The following CDH4 variants were observed in gnomAD, a reference collection of about 807,000 sequenced individuals.
CDH4 encodes cadherin 4.
CDH4 carries 33 observed loss-of-function variants against 86.0 expected under a neutral mutation model. The ratio of observed to expected loss-of-function variants is 0.38; its 90% CI spans 0.29 to 0.51. The LOEUF (loss-of-function observed/expected upper bound fraction) is 0.51, where lower values mean the gene tolerates loss of function less well. Among genes scored for constraint, CDH4 ranks in the 20% least tolerant of loss-of-function variants. CDH4 has a pLI of 0.86. For missense variants in CDH4, 1,114 were observed against 1,307.4 expected, an observed-to-expected ratio of 0.85 and a Z score of 2.28; for synonymous variants, 555 against 549.4, an observed-to-expected ratio of 1.01 and a Z score of -0.14.
chr20:61,266,256 G>A (rs1448486666), intron 2 of CDH4, among the ~76,000 whole-genome samples: 1 of 151,962 alleles, frequency 6.6e-6, no homozygotes, highest in African/African-American at 2.4e-5. Context: ...TTTTCCATAT[G>A]GAGTATGATT....
intron 4 of CDH4, among the ~76,000 whole-genome samples, chr20:61,832,260 G>A (rs560037692): frequency 3.1e-4 from 47 of 152,344 alleles, no homozygotes; most frequent in African/African-American, 1.1e-3. Flanking sequence ...CAGCTCAAGG[G>A]CTTGTGAGCT....
chr20:61,610,852 G>A (rs1312157823), intron 2 of CDH4, among the ~76,000 whole-genome samples: 1 of 152,190 alleles, frequency 6.6e-6, no homozygotes, highest in East Asian at 1.9e-4. Context: ...AGAGGATACT[G>A]TAAGTCCAGG....
At chr20:61,569,683 A>AT (rs1373863084) in intron 2 of CDH4, among the ~76,000 whole-genome samples, 2 of 151,342 alleles carry the variant, frequency 1.3e-5, no homozygotes, top group Admixed American at 6.6e-5. Flanking sequence ...TGCCCCCCAA[A>AT]TTTTTTTTTG....
intron 2 of CDH4, among the ~76,000 whole-genome samples, chr20:61,590,987 A>AC (rs11432429): frequency 0.056 from 8,488 of 151,770 alleles, 436 homozygotes; most frequent in African/African-American, 0.13. Flanking sequence ...TCCAGATGGC[A>AC]CCCTCAGAGG....
Position 61,516,273 on chromosome 20 carries a change from C to T in CDH4, c.170-227290C>T, listed in dbSNP as rs972791734. 6.6e-6 allele frequency among the ~76,000 whole-genome samples: 1 copy of T among 152,190 alleles called. No individual in the cohort carries two copies. The highest frequency in any genetic ancestry group is 6.5e-5 in the Admixed American group (1 of 15,284). ...GCCACCGGCCCCACCCTAACAGGAGCAATCCATTCCTGTTCCTCTTCCTGC... is the reference window on the plus strand; with the variant it reads ...GCCACCGGCCCCACCCTAACAGGAGTAATCCATTCCTGTTCCTCTTCCTGC... On this transcript the variant is annotated intron_variant, in intron 2 of 15. Transcript: ENST00000614565. This position sits in a 1 kb window ranked among gnomAD's most constrained non-coding sequence, Gnocchi z 4.0.
chr20:61,877,204 G>A (rs888050599), intron 7 of CDH4, among the ~76,000 whole-genome samples: 7 of 152,142 alleles, frequency 4.6e-5, no homozygotes, highest in African/African-American at 1.4e-4. Context: ...GGCCAAGGGA[G>A]GGCTAGCAGT....
intron 2 of CDH4, among the ~76,000 whole-genome samples, chr20:61,605,022 G>A (rs2145750808): frequency 6.6e-6 from 1 of 152,264 alleles, no homozygotes; most frequent in Admixed American, 6.5e-5. Context: ...TGGAAGTTTT[G>A]GTGCAGACAG....
At chr20:61,817,110 C>T (rs1980759535) in intron 4 of CDH4, among the ~76,000 whole-genome samples, 1 of 152,228 alleles carries the variant, frequency 6.6e-6, no homozygotes. Context: ...TGTGTTTCAC[C>T]AGCCAACCGC....
At position 61,648,295 on chromosome 20, in the gene CDH4, G is replaced by A. The variant is rs542743184; in HGVS notation, c.170-95268G>A. ...AGTAGGGAGGAAGAAGGGTCAGCCC[G>A]GGTTGGAGAGGCACCCGCAGCTGGT... On this transcript the variant is annotated intron_variant, in intron 2 of 15. Coordinates refer to ENST00000614565, the MANE Select transcript of CDH4 (RefSeq NM_001794.5). Among the ~76,000 whole-genome samples, 73 of 152,336 alleles carry A rather than the reference G, an allele frequency of 4.8e-4. 1 individual carries two copies. The highest frequency in any genetic ancestry group is 1.6e-3 in the African/African-American group (66 of 41,582).
intron 2 of CDH4, among the ~76,000 whole-genome samples, chr20:61,315,807 A>C (rs934377893): frequency 2.6e-5 from 4 of 152,210 alleles, no homozygotes; most frequent in African/African-American, 9.6e-5. Flanking sequence ...GGTCTCAAGC[A>C]ATCTTTCCAC....
chr20:61,514,670 C>A (rs923026254), intron 2 of CDH4, among the ~76,000 whole-genome samples: 5 of 152,202 alleles, frequency 3.3e-5, no homozygotes, highest in Non-Finnish European at 7.3e-5. Context: ...GGGCCATAGG[C>A]AAATACGCAC....
At chr20:61,693,459 C>T (rs1317659885) in intron 2 of CDH4, among the ~76,000 whole-genome samples, 1 of 152,218 alleles carries the variant, frequency 6.6e-6, no homozygotes, top group Non-Finnish European at 1.5e-5. Context: ...GGGCAGCGAG[C>T]AGATGACCAC....
chr20:61,286,313 G>T (rs997461964), intron 2 of CDH4, among the ~76,000 whole-genome samples: 1 of 152,212 alleles, frequency 6.6e-6, no homozygotes, highest in Non-Finnish European at 1.5e-5. Context: ...TGCTGGGACT[G>T]GGGTTAATGC....
At position 61,936,828 on chromosome 20, in the gene CDH4, C is replaced by G. The variant is rs1335372306; in HGVS notation, c.2636C>G (p.Ser879Cys). The G allele has an allele frequency of 1.2e-6, 2 of 1,610,854 alleles. No homozygotes were observed. Among genetic ancestry groups the G allele is most frequent in the Non-Finnish European group, 1.7e-6 (2 of 1,179,270 alleles). Residue 879 changes from serine (S) to cysteine (C), a missense_variant, in exon 16 of 16, where the codon TCC becomes TGC. By Grantham distance (112) the Ser-to-Cys change is moderately radical. Coordinates refer to ENST00000614565, the MANE Select transcript of CDH4 (RefSeq NM_001794.5). Reference protein sequence around the residue: ...DYEGSGSTAGSVSSLNSSSSG... With the variant: ...DYEGSGSTAGCVSSLNSSSSG... ...GAGGGGAGCGGCTCCACCGCAGGCT[C>G]CGTCAGCTCCCTGAACTCATCCAGT...
chr20:61,439,379 T>C (rs969404517), intron 2 of CDH4, among the ~76,000 whole-genome samples: 2 of 152,198 alleles, frequency 1.3e-5, no homozygotes, highest in Non-Finnish European at 2.9e-5. Context: ...AGCTGGCCTG[T>C]CCGGACTTGG....
At chr20:61,539,110 C>T (rs968223615) in intron 2 of CDH4, among the ~76,000 whole-genome samples, 2 of 152,156 alleles carry the variant, frequency 1.3e-5, no homozygotes, top group African/African-American at 2.4e-5. Context: ...TGAGATACTC[C>T]ACACGCTCTG....
chr20:61,858,425 G>C (rs1041823362), intron 6 of CDH4, among the ~76,000 whole-genome samples: 1 of 151,504 alleles, frequency 6.6e-6, no homozygotes, highest in Non-Finnish European at 1.5e-5. Context: ...CTGTGTGTGT[G>C]TCTGTGTCTA....
At chr20:61,499,582 A>G (rs994169409) in intron 2 of CDH4, 53 of 1,155,062 alleles carry the variant, frequency 4.6e-5, no homozygotes, top group Non-Finnish European at 5.8e-5. Flanking sequence ...AGTGTCCCTG[A>G]GGTCACACAG....
At chr20:61,815,206 G>A (rs568160461) in intron 4 of CDH4, among the ~76,000 whole-genome samples, 3 of 152,268 alleles carry the variant, frequency 2.0e-5, no homozygotes, top group South Asian at 2.1e-4. Flanking sequence ...AGCTACGTAC[G>A]AAGTCCTGTC....
Sources: allele counts gnomAD v4.1 joint callset (sites outside exome capture counted in the v4.1 genomes callset), GRCh38; gene constraint gnomAD v4.1.1; non-coding constraint Gnocchi (gnomAD v3.1); transcripts MANE v1.5; gene names NCBI Gene and HGNC (gene_info 2026-07-23, HGNC 2026-07-21).